The following BTD variants were observed in gnomAD, a reference collection of about 807,000 sequenced individuals.
The protein encoded by BTD is biocytinase.
BTD carries 13 observed loss-of-function variants against 17.7 expected under a neutral mutation model. The ratio of observed to expected loss-of-function variants is 0.74; its 90% CI spans 0.48 to 1.17. BTD has a LOEUF of 1.17. Among genes scored for constraint, BTD ranks in the 50% most tolerant of loss-of-function variants. The probability of loss-of-function intolerance (pLI) is 0.00; values close to 1 mark genes in which losing one functional copy is unlikely to be tolerated. For missense variants in BTD, 674 were observed against 650.4 expected (o/e 1.04, Z -0.39); for synonymous variants, 240 against 245.2 (o/e 0.98, Z 0.20).
chr3:15,605,973 G>A (rs527379557), intron 1 of BTD, among the ~76,000 whole-genome samples: 34 of 145,528 alleles, frequency 2.3e-4, no homozygotes, highest in African/African-American at 8.4e-4. Flanking sequence ...AGCCAGGGAG[G>A]TAGATGTTGC....
At chr3:15,669,968 C>G (rs1027578267) in intron 3 of BTD, 2 of 267,794 alleles carry the variant, frequency 7.5e-6, no homozygotes, top group Non-Finnish European at 1.4e-5. Context: ...CTTGTGTAAG[C>G]AGGTTAGAGT....
chr3:15,652,805 A>T lies in BTD; in HGVS notation c.*7317A>T, dbSNP rs556343459. On this transcript the variant is annotated 3_prime_UTR_variant, in exon 4 of 4. Transcript: ENST00000643237. ...TACAGGTATCTCTCCCACTATATAT[A>T]TATCAAGTGCTATTAGTGGCTATTA... is the stretch of plus-strand genomic sequence containing the variant. Among the ~76,000 whole-genome samples, 1 of 152,320 alleles carries T rather than the reference A, an allele frequency of 6.6e-6. No homozygotes were observed. Among genetic ancestry groups the T allele is most frequent in the African/African-American group, 2.4e-5 (1 of 41,568 alleles).
intron 3 of BTD, among the ~76,000 whole-genome samples, chr3:15,678,672 T>C (rs1005638924): frequency 2.6e-5 from 4 of 152,192 alleles, no homozygotes; most frequent in Non-Finnish European, 4.4e-5. Flanking sequence ...CCACCACTTA[T>C]TACAACTGCT....
chr3:15,703,412 G>A (rs1259500154), intron 3 of BTD, among the ~76,000 whole-genome samples: 1 of 152,274 alleles, frequency 6.6e-6, no homozygotes, highest in South Asian at 2.1e-4. Flanking sequence ...TAGGAGGTGG[G>A]GCCTTTAGGA....
Position 15,645,751 on chromosome 3 carries a change from A to C in BTD, c.*263A>C. 2.2e-6 allele frequency: 1 copy of C among 458,822 alleles called. No individual in the cohort carries two copies. The highest frequency in any genetic ancestry group is 3.8e-5 in the Admixed American group (1 of 26,134). 28.4% of individuals were successfully genotyped at this position (458,822 alleles called of 1,614,324 possible). A position where few individuals can be genotyped will look rare whatever the true frequency, so the allele number is the denominator to read the frequency against. The stretch of plus-strand genomic sequence containing the variant: ...TTCAAGCCACATCTTCCTCTAACAA[A>C]TCTCTCAGTATGCGATTGGTCTCAA... On this transcript the variant is annotated 3_prime_UTR_variant, in exon 4 of 4. Coordinates refer to ENST00000643237, the MANE Select transcript of BTD (RefSeq NM_001370658.1).
At chr3:15,677,621 T>C in intron 3 of BTD, 1 of 1,292,844 alleles carries the variant, frequency 7.7e-7, no homozygotes, top group South Asian at 1.3e-5. Context: ...AGATTACCAA[T>C]AACTCACTGT....
chr3:15,713,481 T>C, downstream of BTD: 1 of 1,472,344 alleles, frequency 6.8e-7, no homozygotes, highest in East Asian at 2.4e-5. Flanking sequence ...TTCACTTCCC[T>C]TTGTGCTTGC....
chr3:15,678,137 G>T lies in BTD; in HGVS notation c.400-31923G>T, dbSNP rs187526139. 189 of 1,415,078 alleles carry T rather than the reference G, an allele frequency of 1.3e-4. No homozygotes were observed. In the African/African-American group the frequency reaches 2.4e-3, roughly 18 times the overall value. The allele number at this position is 1,415,078 out of a possible 1,614,324, so 87.7% of individuals were successfully genotyped here. On this transcript the variant is annotated intron_variant, in intron 3 of 3. Coordinates refer to the BTD transcript ENST00000672141. The stretch of plus-strand genomic sequence containing the variant: ...GTAAGATAACTAGTTGAAGTCAGAA[G>T]TCTTGGGATCTAAGTTATACATAAG...
chr3:15,683,558 G>A (rs1417675774), intron 3 of BTD, among the ~76,000 whole-genome samples: 1 of 152,162 alleles, frequency 6.6e-6, no homozygotes, highest in Non-Finnish European at 1.5e-5. Flanking sequence ...AAACTAGCTT[G>A]TTCAATGAGC....
At chr3:15,708,019 C>T in intron 3 of BTD, 1 of 1,610,738 alleles carries the variant, frequency 6.2e-7, no homozygotes, top group Non-Finnish European at 8.5e-7. Flanking sequence ...CAAGAGCAAA[C>T]AGGCACTGGT....
chr3:15,696,531 A>G (rs1274103794), intron 3 of BTD, among the ~76,000 whole-genome samples: 1 of 152,066 alleles, frequency 6.6e-6, no homozygotes, highest in Non-Finnish European at 1.5e-5. Flanking sequence ...CACAGTCTCT[A>G]TCTATACCAC....
intron 3 of BTD, chr3:15,697,222 G>C (rs2069729815): frequency 6.6e-6 from 1 of 152,508 alleles, no homozygotes; most frequent in African/African-American, 2.4e-5. Context: ...TCGCTCATAA[G>C]TGGGAGCTAT....
rs57742227 is a variant in BTD, at chr3:15,648,120, G to C, written c.*2632G>C. Reference sequence around the variant, plus strand: ...GGCCAGCCAATCAGAGCACTGGCTAGTAGCCCAGGAGGTGTCCCTGCACAG... The same window carrying C: ...GGCCAGCCAATCAGAGCACTGGCTACTAGCCCAGGAGGTGTCCCTGCACAG... On this transcript the variant is annotated 3_prime_UTR_variant, in exon 4 of 4. Transcript: ENST00000643237. 6.6e-6 allele frequency among the ~76,000 whole-genome samples: 1 copy of C among 152,194 alleles called. No individual in the cohort carries two copies. The highest frequency in any genetic ancestry group is 1.5e-5 in the Non-Finnish European group (1 of 68,042).
intron 1 of BTD, among the ~76,000 whole-genome samples, chr3:15,633,286 G>A (rs907186360): frequency 1.7e-4 from 26 of 152,110 alleles, no homozygotes; most frequent in African/African-American, 6.3e-4. Context: ...AGGGCCGGCT[G>A]ACTAGACCTA....
At chr3:15,677,071 G>A in intron 3 of BTD, 2 of 1,606,130 alleles carry the variant, frequency 1.2e-6, no homozygotes, top group South Asian at 2.2e-5. Context: ...AATTGTGGCA[G>A]ATAAGTTATA....
intron 3 of BTD, among the ~76,000 whole-genome samples, chr3:15,687,108 A>ATT (rs570622244): frequency 6.6e-6 from 1 of 151,208 alleles, no homozygotes; most frequent in African/African-American, 2.4e-5. Context: ...ACACCCGGCG[A>ATT]TTTTTTTTGT....
intron 3 of BTD, chr3:15,685,367 G>A (rs932955269): frequency 9.3e-6 from 15 of 1,613,872 alleles, no homozygotes; most frequent in Middle Eastern, 1.6e-4. Flanking sequence ...ATAGGCGTCC[G>A]GCCCCTGCTA....
chr3:15,670,631 A>C (rs2066242263), intron 3 of BTD: 1 of 1,418,082 alleles, frequency 7.1e-7, no homozygotes, highest in African/African-American at 1.4e-5. Context: ...ATAAGCCTAA[A>C]GTACTTCAAC....
chr3:15,612,742 C>T (rs1262490260), intron 1 of BTD, among the ~76,000 whole-genome samples: 2 of 151,064 alleles, frequency 1.3e-5, no homozygotes, highest in Non-Finnish European at 2.9e-5. Flanking sequence ...AAAATTTACC[C>T]TACGACCTAT....
Sources: allele counts gnomAD v4.1 joint callset (sites outside exome capture counted in the v4.1 genomes callset), GRCh38; gene constraint gnomAD v4.1.1; transcripts MANE v1.5; gene names NCBI Gene and HGNC (gene_info 2026-07-23, HGNC 2026-07-21).